ABR: variants seen among roughly 807,000 people sequenced by gnomAD.
The protein encoded by ABR is active breakpoint cluster region-related protein.
In ABR, 35 loss-of-function variants were observed where a neutral mutation model predicts 107.2. The ratio of observed to expected loss-of-function variants is 0.33; its 90% CI spans 0.25 to 0.43. The LOEUF (loss-of-function observed/expected upper bound fraction) is 0.43. Among genes scored for constraint, ABR ranks in the 20% least tolerant of loss-of-function variants. ABR has a pLI of 1.00. For synonymous variants in ABR, 498 were observed against 462.0 expected (o/e 1.08, Z -1.00); for missense variants, 815 against 1,115.2 (o/e 0.73, Z 3.83).
chr17:1,090,417 C>T (rs1041272292), intron 4 of ABR, among the ~76,000 whole-genome samples: 4 of 152,048 alleles, frequency 2.6e-5, no homozygotes, highest in African/African-American at 9.7e-5. Context: ...GTGAGTGGGC[C>T]TGGAGGCAGG....
rs746172786 is a variant in ABR, at chr17:1,050,660, A to G, written c.1562-26T>C. On this transcript the variant is annotated intron_variant, in intron 14 of 22. Transcript: ENST00000302538. The surrounding 1 kb of genome is among the most constrained non-coding windows in gnomAD (Gnocchi z 4.6). The stretch of plus-strand genomic sequence containing the variant: ...CTGTGGGGGAAGGACAGACGGAGAT[A>G]CTGAGTGAGTGGGGCCAGGGTGGGG... The G allele has an allele frequency of 1.9e-6, 3 of 1,599,796 alleles. No individual in the cohort carries two copies. Among genetic ancestry groups the G allele is most frequent in the East Asian group, 2.2e-5 (1 of 44,780 alleles).
chr17:1,229,461 G>A (rs1025419775), exon 1 of ABR, among the ~76,000 whole-genome samples: 3 of 151,758 alleles, frequency 2.0e-5, no homozygotes, highest in East Asian at 2.0e-4. Flanking sequence ...CTGCGGGAGC[G>A]AGGCTTTGAG....
intron 13 of ABR, 137 bp downstream of exon 13, chr17:1,056,861 C>A (rs1567667434): frequency 3.2e-6 from 2 of 619,808 alleles, no homozygotes; most frequent in African/African-American, 1.8e-5. Context: ...TGTGTCCTGG[C>A]CACTCAACAG....
chr17:1,201,147 G>C (rs1221115071), intron 1 of ABR, among the ~76,000 whole-genome samples: 1 of 152,206 alleles, frequency 6.6e-6, no homozygotes, highest in Non-Finnish European at 1.5e-5. Flanking sequence ...TCAGGCAGCC[G>C]CATCACTCAA....
intron 1 of ABR, among the ~76,000 whole-genome samples, chr17:1,220,513 C>T (rs2043100663): frequency 2.0e-5 from 3 of 152,142 alleles, no homozygotes; most frequent in Non-Finnish European, 1.5e-5. Flanking sequence ...TACAGCTACA[C>T]AGAGCGGTGG....
intron 16 of ABR, among the ~76,000 whole-genome samples, chr17:1,047,040 T>A (rs1288702235): frequency 2.0e-5 from 3 of 152,188 alleles, no homozygotes; most frequent in African/African-American, 7.2e-5. Flanking sequence ...AGTGGGGGCC[T>A]CATCACAGCA....
chr17:1,113,602 G>C (rs1375135092), intron 2 of ABR, among the ~76,000 whole-genome samples: 1 of 152,008 alleles, frequency 6.6e-6, no homozygotes, highest in East Asian at 1.9e-4. Flanking sequence ...CTTATTTTTA[G>C]ATTCGACTTT....
chr17:1,117,080 T>C (rs2039024694), intron 2 of ABR, among the ~76,000 whole-genome samples: 1 of 152,100 alleles, frequency 6.6e-6, no homozygotes, highest in African/African-American at 2.4e-5. Flanking sequence ...AAGAAGAGGC[T>C]GCAGTTCCTC....
In ABR at chr17:1,148,020, A is replaced by G. The variant is rs1045109486; in HGVS notation, c.62-22653T>C. Among the ~76,000 whole-genome samples the G allele has an allele frequency of 2.6e-5, 4 of 152,262 alleles. No homozygotes were observed. Among genetic ancestry groups the G allele is most frequent in the Admixed American group, 6.5e-5 (1 of 15,294 alleles). The stretch of plus-strand genomic sequence containing the variant: ...CCTTCCCAGCCAGCATGATGGCCCC[A>G]GGCTGGTCAATGACCCACCCACTCT... On this transcript the variant is annotated intron_variant, in intron 1 of 22. Transcript: ENST00000302538. The surrounding 1 kb of genome is among the most constrained non-coding windows in gnomAD (Gnocchi z 4.9).
intron 1 of ABR, among the ~76,000 whole-genome samples, chr17:1,161,082 G>A (rs1048142814): frequency 6.6e-6 from 1 of 151,840 alleles, no homozygotes; most frequent in African/African-American, 2.4e-5. Context: ...ACAAGGCTGG[G>A]GTGTCTGAGT....
intron 10 of ABR, among the ~76,000 whole-genome samples, chr17:1,062,156 G>C (rs899345524): frequency 6.8e-6 from 1 of 147,674 alleles, no homozygotes; most frequent in African/African-American, 2.5e-5. Context: ...TCCACTCACA[G>C]GGATGCTCCT....
At chr17:1,178,256 G>A (rs2041982564) in intron 1 of ABR, among the ~76,000 whole-genome samples, 1 of 150,398 alleles carries the variant, frequency 6.6e-6, no homozygotes. Flanking sequence ...GACTTATCAA[G>A]GAACTCTAGC....
rs568203087 is a variant in ABR at position 1,027,251 on chromosome 17, C to G, written c.1792-14087G>C. 6.6e-6 allele frequency among the ~76,000 whole-genome samples: 1 copy of G among 152,162 alleles called. No individual in the cohort carries two copies. Among genetic ancestry groups the G allele is most frequent in the Non-Finnish European group, 1.5e-5 (1 of 68,032 alleles). Reference sequence around the variant, plus strand: ...CACCGCGCCCAGCACCGCTGGCTGGCCAAGCCGTCTGTGGCCTGCAGGGAG... The same window carrying G: ...CACCGCGCCCAGCACCGCTGGCTGGGCAAGCCGTCTGTGGCCTGCAGGGAG... On this transcript the variant is annotated intron_variant, in intron 16 of 22. Transcript: ENST00000302538. The surrounding 1 kb of genome is among the most constrained non-coding windows in gnomAD (Gnocchi z 4.7).
At chr17:1,056,372 T>C (rs1368703521) in intron 13 of ABR, among the ~76,000 whole-genome samples, 1 of 152,148 alleles carries the variant, frequency 6.6e-6, no homozygotes, top group Non-Finnish European at 1.5e-5. Flanking sequence ...AGGGACTTAG[T>C]ACCATTCCCC....
chr17:1,042,258 GGATA>G lies in ABR; in HGVS notation c.1791+7788_1791+7791del, dbSNP rs144606090. The stretch of plus-strand genomic sequence containing the variant: ...ATGGCACCTACATCCATGAATGGAT[GGATA>G]AACAGACGTGGCACCTACATCCGCG... On this transcript the variant is annotated intron_variant, in intron 16 of 22. Coordinates refer to ENST00000302538, the MANE Select transcript of ABR (RefSeq NM_021962.5). Among the ~76,000 whole-genome samples, 726 of 151,964 alleles carry G rather than the reference GGATA, an allele frequency of 4.8e-3. 9 individuals are homozygous for G. Among genetic ancestry groups the G allele is most frequent in the African/African-American group, 0.017 (697 of 41,402 alleles).
intron 1 of ABR, among the ~76,000 whole-genome samples, chr17:1,169,862 G>A (rs944407826): frequency 2.0e-5 from 3 of 152,060 alleles, no homozygotes; most frequent in Admixed American, 6.5e-5. Context: ...CCAAATCCCC[G>A]CGTCCTCGCC....
At position 1,206,057 on chromosome 17, in the gene ABR, A is replaced by G. The variant is rs912530819; in HGVS notation, c.838+22736T>C. Among the ~76,000 whole-genome samples, 52 of 152,174 alleles carry G rather than the reference A, an allele frequency of 3.4e-4. 1 individual carries two copies. The highest frequency in any genetic ancestry group is 1.2e-3 in the African/African-American group (49 of 41,466). On this transcript the variant is annotated intron_variant, in intron 1 of 22. Transcript: ENST00000574139. ...TTTGAACCCAGGAGGTGGCGGTTGC[A>G]GTGAGCTGAGATCGCGCCACTGCCC...
At chr17:1,132,376 A>ATTT (rs2039883441) in intron 1 of ABR, among the ~76,000 whole-genome samples, 1 of 88,284 alleles carries the variant, frequency 1.1e-5, no homozygotes, top group East Asian at 3.5e-4. Context: ...TACCGAAAGC[A>ATTT]CTTTTTTTTT....
chr17:1,091,514 C>A, intron 4 of ABR, 151 bp downstream of exon 4: 2 of 883,942 alleles, frequency 2.3e-6, no homozygotes, highest in South Asian at 3.6e-5. Flanking sequence ...CACCCCATAA[C>A]ACACAGGCCC....
Sources: gnomAD v4.1 joint callset for allele counts (sites outside exome capture counted in the v4.1 genomes callset) on GRCh38, gnomAD v4.1.1 for gene constraint, Gnocchi (gnomAD v3.1) non-coding constraint, MANE v1.5 for transcripts, NCBI Gene and HGNC (gene_info 2026-07-23, HGNC 2026-07-21) for gene names.